Variants in SEMA3C observed in about 807,000 individuals in gnomAD.
SEMA3C encodes semaphorin-3C.
In SEMA3C, 47 loss-of-function variants were observed where a neutral mutation model predicts 89.4. That is an observed-to-expected ratio of 0.53 (90% CI 0.42 to 0.67). SEMA3C has a LOEUF of 0.67. Ranked by LOEUF, SEMA3C falls within the 30% of genes least tolerant of loss-of-function variation. The pLI is 0.00. For synonymous variants in SEMA3C, 310 were observed against 320.2 expected (o/e 0.97, Z 0.34); for missense variants, 839 against 929.1 (o/e 0.90, Z 1.26).
intron 2 of SEMA3C, among the ~76,000 whole-genome samples, chr7:80,840,016 G>A (rs1250000491): frequency 6.6e-6 from 1 of 152,062 alleles, no homozygotes; most frequent in African/African-American, 2.4e-5. Context: ...AAGAATAGGA[G>A]ATCCTATGTG....
chr7:80,919,160 C>T (rs1792352572), upstream of SEMA3C: 11 of 984,688 alleles, frequency 1.1e-5, no homozygotes, highest in Non-Finnish European at 1.3e-5. Context: ...GCTCGCATCA[C>T]CACCGCGCAG....
intron 2 of SEMA3C, among the ~76,000 whole-genome samples, chr7:80,886,842 C>T (rs1050871878): frequency 3.3e-5 from 5 of 151,824 alleles, no homozygotes; most frequent in South Asian, 2.1e-4. Flanking sequence ...ATAATATGAC[C>T]GAATATATGT....
rs971559496 is a variant in SEMA3C, at chr7:80,876,146, C to T, written c.103+40533G>A. 5.3e-5 allele frequency among the ~76,000 whole-genome samples: 8 copies of T among 152,090 alleles called. No individual in the cohort carries two copies. The East Asian group carries it at 1.5e-3, about 29-fold the overall frequency. On this transcript the variant is annotated intron_variant, in intron 2 of 17. Coordinates refer to ENST00000265361, the MANE Select transcript of SEMA3C (RefSeq NM_006379.5). ...TGCTGGGGGTCTTTGGAACACATCCCCTGCAGATAAAAAGGGACTACTGTA... is the reference window on the plus strand; with the variant it reads ...TGCTGGGGGTCTTTGGAACACATCCTCTGCAGATAAAAAGGGACTACTGTA...
chr7:80,831,228 T>A (rs146792473), intron 2 of SEMA3C, among the ~76,000 whole-genome samples: 88 of 152,332 alleles, frequency 5.8e-4, no homozygotes, highest in African/African-American at 2.1e-3. Context: ...GAGTCTGGAT[T>A]CTGGCTCTAC....
chr7:80,874,020 G>A (rs1791138251), intron 2 of SEMA3C, among the ~76,000 whole-genome samples: 1 of 151,962 alleles, frequency 6.6e-6, no homozygotes, highest in Admixed American at 6.6e-5. Flanking sequence ...CCCTTTTTTG[G>A]AGTGGAGACA....
At chr7:80,748,306 G>A (rs1232015414) in intron 17 of SEMA3C, among the ~76,000 whole-genome samples, 2 of 151,912 alleles carry the variant, frequency 1.3e-5, no homozygotes, top group African/African-American at 2.4e-5. Context: ...TCTAATCCAC[G>A]AAAAGTTTCA....
intron 2 of SEMA3C, among the ~76,000 whole-genome samples, chr7:80,868,971 C>T (rs1212962318): frequency 6.6e-6 from 1 of 152,158 alleles, no homozygotes; most frequent in African/African-American, 2.4e-5. Context: ...TAAAATTAGA[C>T]ATCTCAGCAA....
At chr7:80,770,484 CT>C (rs1201957325) in intron 12 of SEMA3C, among the ~76,000 whole-genome samples, 1 of 152,192 alleles carries the variant, frequency 6.6e-6, no homozygotes, top group Non-Finnish European at 1.5e-5. Flanking sequence ...GCTGTCACTT[CT>C]TTTTTTCTTT....
At chr7:80,829,915 T>C (rs1189155568) in intron 2 of SEMA3C, among the ~76,000 whole-genome samples, 1 of 152,238 alleles carries the variant, frequency 6.6e-6, no homozygotes, top group Non-Finnish European at 1.5e-5. Context: ...GCTTCCATGA[T>C]GAACTGTTTC....
intron 12 of SEMA3C, among the ~76,000 whole-genome samples, chr7:80,779,510 G>T (rs150725883): frequency 6.6e-6 from 1 of 151,916 alleles, no homozygotes; most frequent in Non-Finnish European, 1.5e-5. Flanking sequence ...CTTTTAGATC[G>T]GATAATGTCA....
intron 15 of SEMA3C, 56 bp from the exon 16 acceptor site, chr7:80,751,392 A>C: frequency 2.1e-6 from 3 of 1,442,278 alleles, no homozygotes; most frequent in African/African-American, 1.4e-5. Flanking sequence ...CAATTACACC[A>C]CTCTTAAAAC....
At chr7:80,777,696 T>C (rs1039260099) in intron 12 of SEMA3C, among the ~76,000 whole-genome samples, 3 of 152,224 alleles carry the variant, frequency 2.0e-5, no homozygotes, top group African/African-American at 7.2e-5. Flanking sequence ...CATATGTTGA[T>C]ATAGAATTTT....
At chr7:80,767,326 T>C (rs536305214) in intron 12 of SEMA3C, among the ~76,000 whole-genome samples, 2 of 152,120 alleles carry the variant, frequency 1.3e-5, no homozygotes, top group African/African-American at 2.4e-5. Flanking sequence ...ATAAGCTGAA[T>C]CAAATCAGAA....
At chr7:80,800,872 C>G in intron 9 of SEMA3C, 46 bp from the exon 10 acceptor site, 1 of 1,296,838 alleles carries the variant, frequency 7.7e-7, no homozygotes. Context: ...ATATTAACTT[C>G]TTTGTTTTGA....
At chr7:80,758,709 C>T (rs1266014214) in intron 14 of SEMA3C, among the ~76,000 whole-genome samples, 1 of 152,114 alleles carries the variant, frequency 6.6e-6, no homozygotes, top group Non-Finnish European at 1.5e-5. Context: ...AAGAAAAGCT[C>T]AAAGCACCAT....
intron 12 of SEMA3C, among the ~76,000 whole-genome samples, chr7:80,780,966 G>A (rs1354257660): frequency 6.6e-6 from 1 of 152,168 alleles, no homozygotes; most frequent in African/African-American, 2.4e-5. Flanking sequence ...AAAAGATTTT[G>A]AGAGGGTTCC....
In SEMA3C at chr7:80,765,230, C is replaced by T; in HGVS notation, c.1368G>A (p.Val456=). The change falls in exon 13 of 18, where the codon GTG becomes GTA. Residue 456 remains valine (V), a synonymous_variant. Coordinates refer to ENST00000265361, the MANE Select transcript of SEMA3C (RefSeq NM_006379.5). ...VLFLGTDRGT[V]QKVVVLPTNN... ...TAGTAGGAAGAACAACCACTTTTTG[C>T]ACAGTACCCCGATCTAAATTAAAAA... 6.2e-7 allele frequency: 1 copy of T among 1,611,904 alleles called. No homozygotes were observed. The highest frequency in any genetic ancestry group is 8.5e-7 in the Non-Finnish European group (1 of 1,178,552).
At position 80,804,768 on chromosome 7, in the gene SEMA3C, T is replaced by C. The variant is rs75942363; in HGVS notation, c.659-520A>G. 7.3e-3 allele frequency among the ~76,000 whole-genome samples: 1,107 copies of C among 152,248 alleles called. 14 individuals are homozygous for C. Among genetic ancestry groups the C allele is most frequent in the African/African-American group, 0.025 (1,043 of 41,580 alleles). ...TTCAAGAACAAAACAACTTTTAGAA[T>C]ATTCTATTTCCAGATGTACTGGAGG... is the stretch of plus-strand genomic sequence containing the variant. On this transcript the variant is annotated intron_variant, in intron 7 of 17. Transcript: ENST00000265361.
intron 4 of SEMA3C, among the ~76,000 whole-genome samples, chr7:80,823,853 T>G (rs535973006): frequency 2.0e-5 from 3 of 152,270 alleles, no homozygotes; most frequent in South Asian, 4.1e-4. Flanking sequence ...TCAATTTATT[T>G]AGAGTATGAA....
Sources: allele counts gnomAD v4.1 joint callset (sites outside exome capture counted in the v4.1 genomes callset), GRCh38; gene constraint gnomAD v4.1.1; transcripts MANE v1.5; gene names NCBI Gene and HGNC (gene_info 2026-07-23, HGNC 2026-07-21).